KSR2: variants seen among roughly 807,000 people sequenced by gnomAD.
KSR2 encodes the protein kinase suppressor of ras 2.
KSR2 carries 25 observed loss-of-function variants against 107.8 expected under a neutral mutation model. The ratio of observed to expected loss-of-function variants is 0.23; its 90% CI spans 0.17 to 0.32. The LOEUF (loss-of-function observed/expected upper bound fraction) is 0.32. Among genes scored for constraint, KSR2 ranks in the 10% least tolerant of loss-of-function variants. The pLI is 1.00. For missense variants in KSR2, 887 were observed against 1,268.9 expected, an observed-to-expected ratio of 0.70 and a Z score of 4.57; for synonymous variants, 480 against 507.0, an observed-to-expected ratio of 0.95 and a Z score of 0.71.
chr12:117,888,424 G>T (rs1299853281), intron 1 of KSR2, among the ~76,000 whole-genome samples: 1 of 152,144 alleles, frequency 6.6e-6, no homozygotes, highest in Non-Finnish European at 1.5e-5. Flanking sequence ...TTAGGAGTGG[G>T]AGTGATGGGG....
chr12:117,914,341 A>C (rs917036960), intron 1 of KSR2, among the ~76,000 whole-genome samples: 1 of 151,544 alleles, frequency 6.6e-6, no homozygotes, highest in Non-Finnish European at 1.5e-5. Context: ...AGGCACGAGA[A>C]TCGCTCGAAC....
chr12:117,734,745 C>CATGG (rs1322322640), intron 4 of KSR2, among the ~76,000 whole-genome samples: 22 of 146,492 alleles, frequency 1.5e-4, no homozygotes, highest in African/African-American at 2.7e-4. Flanking sequence ...TGCATGCATG[C>CATGG]ATGCATGCAT....
Position 117,464,291 on chromosome 12 carries a change from T to C in KSR2, c.*2908A>G, listed in dbSNP as rs1430448180. On this transcript the variant is annotated 3_prime_UTR_variant, in exon 20 of 20. Transcript: ENST00000339824. ...GACTGGTCCCCTCGGGAAGCCCATG[T>C]ATATGACGGTTTGCTAAAAGCAAGA... 1 of 152,182 alleles carries C rather than the reference T, an allele frequency of 6.6e-6. No individual in the cohort carries two copies. The highest frequency in any genetic ancestry group is 1.5e-5 in the Non-Finnish European group (1 of 68,010). 9.4% of individuals were successfully genotyped at this position (152,182 alleles called of 1,614,324 possible). A position where few individuals can be genotyped will look rare whatever the true frequency, so the allele number is the denominator to read the frequency against.
In KSR2 at chr12:117,761,104, A is replaced by G; in HGVS notation, c.893T>C (p.Leu298Pro). 6.2e-7 allele frequency: 1 copy of G among 1,613,522 alleles called. No homozygotes were observed. ...GGTGAATCCCGGGATCAAGTGTATC[A>G]GTTTTCGGGAGGAGGGCGGTGGGGT... The part of the protein sequence containing the change: ...PGTPPPSSRK[L>P]IHLIPGFTAL... Residue 298 changes from leucine (L) to proline (P), a missense_variant, in exon 4 of 20, where the codon CTG (leucine) becomes CCG (proline). Physicochemically the swap from Leu to Pro is moderately conservative, Grantham distance 98 (BLOSUM62 -3). Transcript: ENST00000339824.
At chr12:117,616,613 A>G (rs1881903792) in intron 5 of KSR2, among the ~76,000 whole-genome samples, 2 of 152,282 alleles carry the variant, frequency 1.3e-5, no homozygotes, top group South Asian at 4.1e-4. Context: ...TTTTGTCCCA[A>G]TTCAGAACAA....
chr12:117,511,642 G>A (rs1383890879), intron 14 of KSR2, among the ~76,000 whole-genome samples: 1 of 152,206 alleles, frequency 6.6e-6, no homozygotes, highest in Non-Finnish European at 1.5e-5. Context: ...TTAGCACAGT[G>A]CCTAGTGTGC....
chr12:117,720,799 T>C (rs755269392), intron 4 of KSR2, among the ~76,000 whole-genome samples: 1 of 152,218 alleles, frequency 6.6e-6, no homozygotes, highest in Non-Finnish European at 1.5e-5. Context: ...AGAAGTGATC[T>C]TGAGCCCAGA....
chr12:117,661,948 G>T (rs1191411612), intron 5 of KSR2, among the ~76,000 whole-genome samples: 1 of 152,120 alleles, frequency 6.6e-6, no homozygotes, highest in East Asian at 1.9e-4. Flanking sequence ...TTATTTCCAG[G>T]TTTATATATT....
intron 14 of KSR2, among the ~76,000 whole-genome samples, chr12:117,490,152 C>G (rs553035375): frequency 6.6e-6 from 1 of 152,156 alleles, no homozygotes; most frequent in Non-Finnish European, 1.5e-5. Context: ...AACCCATTCC[C>G]GATCTTCTTC....
intron 1 of KSR2, among the ~76,000 whole-genome samples, chr12:117,957,823 C>T (rs1334629895): frequency 7.2e-6 from 1 of 139,720 alleles, no homozygotes; most frequent in Non-Finnish European, 1.5e-5. Flanking sequence ...TCCTCACAGG[C>T]TGACCACCTT....
At chr12:117,768,224 T>C (rs1163621368) in intron 3 of KSR2, among the ~76,000 whole-genome samples, 2 of 152,298 alleles carry the variant, frequency 1.3e-5, no homozygotes, top group South Asian at 4.1e-4. Context: ...CATGGACAAA[T>C]GCAGACAAGT....
chr12:117,721,561 C>T (rs1248288421), intron 4 of KSR2, among the ~76,000 whole-genome samples: 1 of 152,170 alleles, frequency 6.6e-6, no homozygotes, highest in Non-Finnish European at 1.5e-5. Flanking sequence ...TGAGATCAAA[C>T]TCCTTCCCAC....
intron 1 of KSR2, among the ~76,000 whole-genome samples, chr12:117,948,712 C>A (rs1157175974): frequency 2.0e-5 from 3 of 152,220 alleles, no homozygotes; most frequent in Middle Eastern, 3.4e-3. Flanking sequence ...TGCACACACA[C>A]AAAAAATGAA....
Position 117,649,281 on chromosome 12 carries a change from G to A in KSR2, c.1171+18193C>T, listed in dbSNP as rs200940264. Reference sequence around the variant, plus strand: ...TCGACTGCAAGTTCACTGAGGTCAGGGACTGTAACGTACATTTATTTGACT... The same window carrying A: ...TCGACTGCAAGTTCACTGAGGTCAGAGACTGTAACGTACATTTATTTGACT... On this transcript the variant is annotated intron_variant, in intron 5 of 19. Transcript: ENST00000339824. 5.9e-5 allele frequency among the ~76,000 whole-genome samples: 9 copies of A among 152,206 alleles called. No homozygotes were observed. In the East Asian group the frequency reaches 1.5e-3, roughly 26 times the overall value.
intron 14 of KSR2, among the ~76,000 whole-genome samples, chr12:117,520,999 G>A (rs543629683): frequency 6.6e-6 from 1 of 152,238 alleles, no homozygotes; most frequent in Non-Finnish European, 1.5e-5. Context: ...TGCTGAAGAT[G>A]AGAGACTCTG....
At chr12:117,809,981 C>A (rs1891139646) in intron 3 of KSR2, among the ~76,000 whole-genome samples, 1 of 152,128 alleles carries the variant, frequency 6.6e-6, no homozygotes, top group African/African-American at 2.4e-5. Flanking sequence ...ATTTTGGAGG[C>A]TGTGGGCATT....
At chr12:117,510,755 G>A in intron 14 of KSR2, among the ~76,000 whole-genome samples, 1 of 152,050 alleles carries the variant, frequency 6.6e-6, no homozygotes, top group Admixed American at 6.6e-5. Context: ...GCATGTGCCT[G>A]TGGTCCCAAC....
intron 9 of KSR2, among the ~76,000 whole-genome samples, chr12:117,546,075 G>C (rs932993626): frequency 1.3e-5 from 2 of 152,068 alleles, no homozygotes; most frequent in Non-Finnish European, 2.9e-5. Flanking sequence ...ACTTTTTACT[G>C]TTTTCTGATT....
chr12:117,799,502 A>G (rs541240076), intron 3 of KSR2, among the ~76,000 whole-genome samples: 78 of 151,868 alleles, frequency 5.1e-4, no homozygotes, highest in South Asian at 1.7e-3. Flanking sequence ...ACTCCACCAA[A>G]AAAAAAAAGA....
Sources: allele counts gnomAD v4.1 joint callset (sites outside exome capture counted in the v4.1 genomes callset), GRCh38; gene constraint gnomAD v4.1.1; transcripts MANE v1.5; gene names NCBI Gene and HGNC (gene_info 2026-07-23, HGNC 2026-07-21).